TMEM132B: variants seen among roughly 807,000 people sequenced by gnomAD.
TMEM132B encodes transmembrane protein 132B.
In TMEM132B, 18 loss-of-function variants were observed where a neutral mutation model predicts 90.8. The ratio of observed to expected loss-of-function variants is 0.20; its 90% confidence interval spans 0.14 to 0.29. The LOEUF is 0.29. Among genes scored for constraint, TMEM132B ranks in the 10% least tolerant of loss-of-function variants. TMEM132B has a pLI of 1.00. For missense variants in TMEM132B, 1,096 were observed against 1,326.8 expected (o/e 0.83, Z 2.70); for synonymous variants, 504 against 523.3 (o/e 0.96, Z 0.50).
At chr12:125,313,956 C>T (rs1876187723) in intron 1 of TMEM132B, among the ~76,000 whole-genome samples, 1 of 151,840 alleles carries the variant, frequency 6.6e-6, no homozygotes, top group East Asian at 2.0e-4. Context: ...CAGGACATCT[C>T]TTTGTGTCTC....
chr12:125,548,914 TG>T (rs1278297803), intron 4 of TMEM132B, among the ~76,000 whole-genome samples: 1 of 152,174 alleles, frequency 6.6e-6, no homozygotes, highest in Non-Finnish European at 1.5e-5. Flanking sequence ...GGCCCTTTTT[TG>T]ATGGGGAGCC....
At chr12:125,527,500 CCACCCATTTACCTTTCCATG>C (rs1255437517) in intron 4 of TMEM132B, among the ~76,000 whole-genome samples, 220 of 143,274 alleles carry the variant, frequency 1.5e-3, no homozygotes, top group African/African-American at 4.4e-3. Flanking sequence ...AACCACCCAT[CCACCCATTTACCTTTCCATG>C]CACCCATCCA....
At chr12:125,366,024 C>T (rs1878122707) in intron 2 of TMEM132B, among the ~76,000 whole-genome samples, 1 of 152,070 alleles carries the variant, frequency 6.6e-6, no homozygotes, top group South Asian at 2.1e-4. Flanking sequence ...TTCCCACTTC[C>T]CTTCCCAGCC....
chr12:125,565,422 C>T (rs1038434479), intron 4 of TMEM132B, among the ~76,000 whole-genome samples: 1 of 152,196 alleles, frequency 6.6e-6, no homozygotes, highest in Non-Finnish European at 1.5e-5. Flanking sequence ...CCCAAGTGTG[C>T]GTATGCTACA....
chr12:125,387,528 CAA>C (rs1878876021), intron 2 of TMEM132B, among the ~76,000 whole-genome samples: 2 of 152,214 alleles, frequency 1.3e-5, no homozygotes, highest in Non-Finnish European at 2.9e-5. Flanking sequence ...CTGTAGCCAA[CAA>C]AGTCTTCCCT....
At chr12:125,487,459 A>G (rs1481619357) in intron 3 of TMEM132B, among the ~76,000 whole-genome samples, 1 of 152,216 alleles carries the variant, frequency 6.6e-6, no homozygotes, top group Non-Finnish European at 1.5e-5. Flanking sequence ...TCTGAGCCAC[A>G]TCCAAGTAGC....
At chr12:125,263,670 T>C (rs1450446866) in intron 1 of TMEM132B, among the ~76,000 whole-genome samples, 1 of 152,200 alleles carries the variant, frequency 6.6e-6, no homozygotes, top group Non-Finnish European at 1.5e-5. Context: ...GAGGTTGGTG[T>C]GTATCTGAGA....
Position 125,238,383 on chromosome 12 carries a change from A to C in TMEM132B, c.67+51517A>C, listed in dbSNP as rs1160878222. Among the ~76,000 whole-genome samples, 6 of 146,920 alleles carry C rather than the reference A, an allele frequency of 4.1e-5. 1 individual carries two copies. Among genetic ancestry groups the C allele is most frequent in the South Asian group, 2.2e-4 (1 of 4,640 alleles). On this transcript the variant is annotated intron_variant, in intron 1 of 8. Transcript: ENST00000682704. ...AAAAAAACCAAAAAAAAAACAAAAA[A>C]AAACCAAAAAAACAAAAACGCAGTC...
chr12:125,521,246 C>CCCCTCCTTCTCTTT (rs1224586692), intron 4 of TMEM132B, among the ~76,000 whole-genome samples: 3 of 152,064 alleles, frequency 2.0e-5, no homozygotes, highest in Non-Finnish European at 2.9e-5. Context: ...TCCTTCACTT[C>CCCCTCCTTCTCTTT]CCCTCCTTCT....
chr12:125,563,146 CGTAATAATAATAATA>C (rs1314231292), intron 4 of TMEM132B, among the ~76,000 whole-genome samples: 4 of 92,540 alleles, frequency 4.3e-5, no homozygotes, highest in African/African-American at 1.1e-4. Flanking sequence ...CACCATAATG[CGTAATAATAATAATA>C]ATAATAATAA....
rs866874305 is a variant in TMEM132B at position 125,660,388 on chromosome 12, A to T, written c.*5678A>T. The T allele has an allele frequency of 6.6e-6, 1 of 152,250 alleles. No homozygotes were observed. The highest frequency in any genetic ancestry group is 2.4e-5 in the African/African-American group (1 of 41,468). 9.4% of individuals were successfully genotyped at this position (152,250 alleles called of 1,614,324 possible). On this transcript the variant is annotated 3_prime_UTR_variant, in exon 9 of 9. Coordinates refer to ENST00000682704, the MANE Select transcript of TMEM132B (RefSeq NM_001366854.1). ...GAAAGTTTGAAGTAAGATTTGTAAA[A>T]GAATGAACACTTTAGGTTTTGTGTG...
intron 4 of TMEM132B, among the ~76,000 whole-genome samples, chr12:125,579,510 G>A (rs1325048644): frequency 1.3e-5 from 2 of 151,478 alleles, no homozygotes; most frequent in Non-Finnish European, 2.9e-5. Context: ...TACAGGTGTG[G>A]TGGCACCACA....
chr12:125,401,459 T>C (rs1879319392), intron 2 of TMEM132B, among the ~76,000 whole-genome samples: 1 of 151,998 alleles, frequency 6.6e-6, no homozygotes, highest in Non-Finnish European at 1.5e-5. Context: ...CCATTTTAGA[T>C]TGGGTGGTCT....
chr12:125,520,427 T>G (rs1451926185), intron 4 of TMEM132B, among the ~76,000 whole-genome samples: 1 of 152,210 alleles, frequency 6.6e-6, no homozygotes, highest in Admixed American at 6.5e-5. Flanking sequence ...CTTTTGATCA[T>G]TCATCATGCA....
At chr12:125,530,590 T>C (rs1421582237) in intron 4 of TMEM132B, among the ~76,000 whole-genome samples, 1 of 152,274 alleles carries the variant, frequency 6.6e-6, no homozygotes, top group Non-Finnish European at 1.5e-5. Context: ...GCCAGAAGTC[T>C]GAAATCAAGG....
intron 4 of TMEM132B, among the ~76,000 whole-genome samples, chr12:125,581,991 T>A (rs1378812955): frequency 6.6e-6 from 1 of 152,114 alleles, no homozygotes; most frequent in Non-Finnish European, 1.5e-5. Context: ...TCTTTAAAAT[T>A]TCATCCAGAA....
intron 4 of TMEM132B, among the ~76,000 whole-genome samples, chr12:125,526,213 A>G (rs1032006669): frequency 6.6e-6 from 1 of 152,180 alleles, no homozygotes; most frequent in African/African-American, 2.4e-5. Flanking sequence ...CCCTCTGGCT[A>G]GCTCTTAGCT....
chr12:125,291,932 T>C (rs1242393308), intron 1 of TMEM132B, among the ~76,000 whole-genome samples: 1 of 152,226 alleles, frequency 6.6e-6, no homozygotes, highest in Non-Finnish European at 1.5e-5. Context: ...AAATTCACAT[T>C]GTTTTAAGTT....
chr12:125,247,165 T>G (rs1409303721), intron 1 of TMEM132B, among the ~76,000 whole-genome samples: 1 of 152,192 alleles, frequency 6.6e-6, no homozygotes, highest in Non-Finnish European at 1.5e-5. Context: ...TCTCCTTTCT[T>G]TGTGTCCATA....
Sources: allele counts gnomAD v4.1 joint callset (sites outside exome capture counted in the v4.1 genomes callset), GRCh38; gene constraint gnomAD v4.1.1; transcripts MANE v1.5; gene names NCBI Gene and HGNC (gene_info 2026-07-23, HGNC 2026-07-21).